GNAQ: variants seen among roughly 807,000 people sequenced by gnomAD.
The protein encoded by GNAQ is guanine nucleotide-binding protein G(q) subunit alpha.
In GNAQ, 8 loss-of-function variants were observed where a neutral mutation model predicts 43.9. That is an observed-to-expected ratio of 0.18 (90% CI 0.11 to 0.33). The LOEUF (loss-of-function observed/expected upper bound fraction) is 0.33, where lower values mean the gene tolerates loss of function less well. Among genes scored for constraint, GNAQ ranks in the 10% least tolerant of loss-of-function variants. The pLI is 1.00. For synonymous variants in GNAQ, 155 were observed against 170.7 expected, an observed-to-expected ratio of 0.91 and a Z score of 0.71; for missense variants, 158 against 450.8, an observed-to-expected ratio of 0.35 and a Z score of 5.88.
chr9:77,762,429 G>T (rs1251174771), intron 5 of GNAQ, among the ~76,000 whole-genome samples: 10 of 130,754 alleles, frequency 7.6e-5, no homozygotes, highest in African/African-American at 2.5e-4. Context: ...GGAGGTGGGG[G>T]GGTCAGCCCC....
chr9:77,800,305 G>A lies in GNAQ; in HGVS notation c.477-2657C>T, dbSNP rs200614749. Reference sequence around the variant, plus strand: ...TTATTGCGGCATTATTCACAATAGCGAAGACTTGGAACCAACCCAAATGTC... The same window carrying A: ...TTATTGCGGCATTATTCACAATAGCAAAGACTTGGAACCAACCCAAATGTC... On this transcript the variant is annotated intron_variant, in intron 3 of 6. Coordinates refer to ENST00000286548, the MANE Select transcript of GNAQ (RefSeq NM_002072.5). Among the ~76,000 whole-genome samples, 390 of 151,870 alleles carry A rather than the reference G, an allele frequency of 2.6e-3. 6 individuals carry two copies. The East Asian group carries it at 0.044, about 17-fold the overall frequency.
intron 1 of GNAQ, among the ~76,000 whole-genome samples, chr9:77,970,708 G>A (rs945812318): frequency 7.9e-5 from 12 of 151,752 alleles, no homozygotes; most frequent in African/African-American, 1.9e-4. Flanking sequence ...AATCAACACC[G>A]TAACATCACA....
intron 5 of GNAQ, among the ~76,000 whole-genome samples, chr9:77,748,257 G>A (rs954471994): frequency 2.0e-5 from 3 of 151,858 alleles, no homozygotes; most frequent in Non-Finnish European, 4.4e-5. Flanking sequence ...TTCTCTTTAG[G>A]TAGTATCTTT....
intron 2 of GNAQ, among the ~76,000 whole-genome samples, chr9:77,841,945 T>A (rs1827498827): frequency 6.6e-6 from 1 of 152,210 alleles, no homozygotes; most frequent in Admixed American, 6.5e-5. Context: ...TCAGTTTTGG[T>A]TATCACAAAA....
At chr9:77,760,851 G>A (rs1315165722) in intron 5 of GNAQ, among the ~76,000 whole-genome samples, 1 of 146,882 alleles carries the variant, frequency 6.8e-6, no homozygotes, top group African/African-American at 2.5e-5. Context: ...GAGTGCCTTT[G>A]CGCCACCGCC....
intron 1 of GNAQ, among the ~76,000 whole-genome samples, chr9:77,977,811 G>T (rs543308469): frequency 6.6e-6 from 1 of 152,086 alleles, no homozygotes; most frequent in Non-Finnish European, 1.5e-5. Context: ...TTTTGATCAG[G>T]ATCCAACCAT....
At chr9:77,975,539 T>C (rs962652511) in intron 1 of GNAQ, among the ~76,000 whole-genome samples, 299 of 142,626 alleles carry the variant, frequency 2.1e-3, no homozygotes, top group Non-Finnish European at 2.6e-3. Context: ...GCCCCCCCTT[T>C]TTTTTTTTTT....
rs145099914 is a variant in GNAQ at position 78,000,634 on chromosome 9, C to T, written c.136+30466G>A. 4.7e-3 allele frequency among the ~76,000 whole-genome samples: 721 copies of T among 152,274 alleles called. 8 individuals carry two copies. The highest frequency in any genetic ancestry group is 0.017 in the African/African-American group (689 of 41,554). ...AAGCATAGTAATTCTGCTAAGATTACATACCAATAATTAGCTTTCCAGTGT... is the reference window on the plus strand; with the variant it reads ...AAGCATAGTAATTCTGCTAAGATTATATACCAATAATTAGCTTTCCAGTGT... On this transcript the variant is annotated intron_variant, in intron 1 of 6. Transcript: ENST00000286548.
intron 5 of GNAQ, among the ~76,000 whole-genome samples, chr9:77,740,749 T>C (rs1402958975): frequency 2.0e-5 from 3 of 152,260 alleles, no homozygotes; most frequent in South Asian, 2.1e-4. Context: ...TTTGGCTATA[T>C]GAATGTTATT....
At chr9:77,792,045 A>C (rs10869969) in intron 5 of GNAQ, among the ~76,000 whole-genome samples, 106,368 of 152,010 alleles carry the variant, frequency 0.7, 37,873 homozygotes, top group South Asian at 0.79. Flanking sequence ...AGGGGTAATG[A>C]GACTACATCC....
chr9:77,956,330 T>C (rs907687514), intron 1 of GNAQ, among the ~76,000 whole-genome samples: 2 of 152,188 alleles, frequency 1.3e-5, no homozygotes, highest in African/African-American at 2.4e-5. Context: ...CTTGATTACT[T>C]GTACAAATTT....
At chr9:77,767,422 AC>A (rs1160603781) in intron 5 of GNAQ, among the ~76,000 whole-genome samples, 1 of 152,114 alleles carries the variant, frequency 6.6e-6, no homozygotes, top group East Asian at 1.9e-4. Flanking sequence ...ACTGCTCTGA[AC>A]ATACCATGTG....
intron 2 of GNAQ, among the ~76,000 whole-genome samples, chr9:77,822,374 ATCATCT>A (rs1380906573): frequency 8.5e-5 from 13 of 152,306 alleles, no homozygotes; most frequent in Middle Eastern, 6.8e-3. Context: ...ATAGATTCAT[ATCATCT>A]TCATTTCTGA....
At chr9:77,844,407 G>A (rs1024652208) in intron 2 of GNAQ, among the ~76,000 whole-genome samples, 7 of 152,082 alleles carry the variant, frequency 4.6e-5, no homozygotes, top group African/African-American at 1.4e-4. Context: ...TGGCTTAAAG[G>A]ATTTTTCTTT....
chr9:77,768,856 A>G (rs1442544889), intron 5 of GNAQ, among the ~76,000 whole-genome samples: 11 of 152,188 alleles, frequency 7.2e-5, no homozygotes, highest in Admixed American at 4.6e-4. Context: ...TTTCTCCTGT[A>G]ACATTATTTA....
chr9:77,731,645 A>T (rs1028151859), intron 5 of GNAQ, among the ~76,000 whole-genome samples: 4 of 152,196 alleles, frequency 2.6e-5, no homozygotes, highest in Non-Finnish European at 1.5e-5. Context: ...TGCACACTCA[A>T]CTTTGTGAAG....
At chr9:77,996,191 C>T (rs1378097335) in intron 1 of GNAQ, among the ~76,000 whole-genome samples, 4 of 152,152 alleles carry the variant, frequency 2.6e-5, no homozygotes, top group Non-Finnish European at 5.9e-5. Flanking sequence ...CTTTGCTGTT[C>T]CCAGGACCAC....
chr9:77,729,835 G>C (rs1220237936), intron 5 of GNAQ, among the ~76,000 whole-genome samples: 1 of 152,166 alleles, frequency 6.6e-6, no homozygotes, highest in Non-Finnish European at 1.5e-5. Flanking sequence ...CTAGTTTCCT[G>C]CCATGTGAGC....
At chr9:77,961,130 C>G (rs758314959) in intron 1 of GNAQ, among the ~76,000 whole-genome samples, 3 of 152,080 alleles carry the variant, frequency 2.0e-5, no homozygotes, top group Non-Finnish European at 2.9e-5. Context: ...ATGGATATTA[C>G]CAGACTTTGA....
Sources: allele counts gnomAD v4.1 joint callset (sites outside exome capture counted in the v4.1 genomes callset), GRCh38; gene constraint gnomAD v4.1.1; transcripts MANE v1.5; gene names NCBI Gene and HGNC (gene_info 2026-07-23, HGNC 2026-07-21).